KIAA1217: variants seen among roughly 807,000 people sequenced by gnomAD.
KIAA1217 encodes sickle tail protein homolog.
Under a neutral mutation model 163.9 loss-of-function variants are expected in KIAA1217, and 88 were observed. The ratio of observed to expected loss-of-function variants is 0.54; its 90% CI spans 0.45 to 0.64. The LOEUF (loss-of-function observed/expected upper bound fraction) is 0.64, where lower values mean the gene tolerates loss of function less well. Among genes scored for constraint, KIAA1217 ranks in the 30% least tolerant of loss-of-function variants. The pLI is 0.00. For missense variants in KIAA1217, 2,372 were observed against 2,475.0 expected, an observed-to-expected ratio of 0.96 and a Z score of 0.88; for synonymous variants, 903 against 923.1, an observed-to-expected ratio of 0.98 and a Z score of 0.39.
intron 1 of KIAA1217, among the ~76,000 whole-genome samples, chr10:23,771,898 T>C (rs773036972): frequency 6.6e-6 from 1 of 152,238 alleles, no homozygotes; most frequent in Non-Finnish European, 1.5e-5. Flanking sequence ...TCTGTATTCC[T>C]CTATATCCTC....
intron 5 of KIAA1217, among the ~76,000 whole-genome samples, chr10:24,460,150 G>A (rs1160224401): frequency 6.6e-6 from 1 of 152,180 alleles, no homozygotes; most frequent in Non-Finnish European, 1.5e-5. Context: ...AAGGAAAGCA[G>A]ATGGGTTTTC....
At chr10:24,243,159 A>G (rs568694904) in intron 2 of KIAA1217, among the ~76,000 whole-genome samples, 1 of 152,354 alleles carries the variant, frequency 6.6e-6, no homozygotes, top group South Asian at 2.1e-4. Context: ...AGTTTCAAAT[A>G]TGAATCACAA....
At chr10:24,197,562 C>A (rs918231628) in intron 2 of KIAA1217, among the ~76,000 whole-genome samples, 1 of 152,236 alleles carries the variant, frequency 6.6e-6, no homozygotes, top group East Asian at 1.9e-4. Context: ...TGAGTTTGTT[C>A]AGCAGTCTGG....
chr10:23,779,296 T>C lies in KIAA1217; in HGVS notation c.-321+84062T>C, dbSNP rs141475984. The stretch of plus-strand genomic sequence containing the variant: ...TTTAAATTCTTATGACAAAATGTCA[T>C]TATTTCTCTTCCTTTTACAAAAATC... On this transcript the variant is annotated intron_variant, in intron 1 of 18. Coordinates refer to the KIAA1217 transcript ENST00000376462. Among the ~76,000 whole-genome samples, 1,255 of 152,288 alleles carry C rather than the reference T, an allele frequency of 8.2e-3. 11 individuals carry two copies. The highest frequency in any genetic ancestry group is 0.013 in the Non-Finnish European group (900 of 68,024).
intron 1 of KIAA1217, among the ~76,000 whole-genome samples, chr10:23,951,931 T>C (rs986882066): frequency 2.0e-5 from 3 of 152,196 alleles, no homozygotes; most frequent in Non-Finnish European, 4.4e-5. Flanking sequence ...AAGGTAAACA[T>C]ACATGAAGTT....
chr10:24,290,940 G>T (rs2079032736), intron 2 of KIAA1217, among the ~76,000 whole-genome samples: 1 of 152,042 alleles, frequency 6.6e-6, no homozygotes, highest in Admixed American at 6.6e-5. Flanking sequence ...TGTGGGGCAG[G>T]GGGTTGTTTA....
At chr10:24,150,446 G>C (rs2064555539) in intron 2 of KIAA1217, among the ~76,000 whole-genome samples, 1 of 152,182 alleles carries the variant, frequency 6.6e-6, no homozygotes, top group Non-Finnish European at 1.5e-5. Flanking sequence ...CTGTCTCACT[G>C]TGGAGTATGG....
intron 1 of KIAA1217, among the ~76,000 whole-genome samples, chr10:23,723,103 G>T (rs1190986330): frequency 6.6e-6 from 1 of 152,122 alleles, no homozygotes; most frequent in East Asian, 1.9e-4. Flanking sequence ...AGAAAGTAAT[G>T]AACTAAAATT....
At chr10:23,730,372 A>G (rs1021397195) in intron 1 of KIAA1217, among the ~76,000 whole-genome samples, 1 of 151,908 alleles carries the variant, frequency 6.6e-6, no homozygotes, top group Non-Finnish European at 1.5e-5. Flanking sequence ...TTATTAATCT[A>G]TTTGTCTACT....
chr10:24,180,504 C>T (rs1589800897), intron 2 of KIAA1217, among the ~76,000 whole-genome samples: 1 of 152,140 alleles, frequency 6.6e-6, no homozygotes, highest in East Asian at 1.9e-4. Context: ...CAAAATTCTG[C>T]CTGTCTTGCT....
rs146797252 is a variant in KIAA1217, at chr10:23,965,902, A to C, written c.-320-41323A>C. ...AAAATGCCCACTAACTTTCAGCAAG[A>C]GTGGGTAAAAGTGTCCCTGTAACAG... is the stretch of plus-strand genomic sequence containing the variant. On this transcript the variant is annotated intron_variant, in intron 1 of 18. Transcript: ENST00000376462. 1.9e-4 allele frequency among the ~76,000 whole-genome samples: 29 copies of C among 152,280 alleles called. No homozygotes were observed. In the East Asian group the frequency reaches 5.0e-3, roughly 26 times the overall value.
intron 1 of KIAA1217, among the ~76,000 whole-genome samples, chr10:23,933,328 G>T (rs573987300): frequency 6.6e-6 from 1 of 152,186 alleles, no homozygotes; most frequent in Non-Finnish European, 1.5e-5. Context: ...TTTCTGAGAT[G>T]ACTGTACTGC....
chr10:24,040,853 C>A (rs1250177454), intron 2 of KIAA1217, among the ~76,000 whole-genome samples: 2 of 152,198 alleles, frequency 1.3e-5, no homozygotes, highest in African/African-American at 2.4e-5. Context: ...TTATTGAGTG[C>A]TACCATGTGC....
intron 3 of KIAA1217, among the ~76,000 whole-genome samples, chr10:24,401,836 C>CAA (rs33999631): frequency 0.53 from 81,170 of 151,890 alleles, 24,599 homozygotes; most frequent in African/African-American, 0.84. Context: ...TGCACCAAAA[C>CAA]AACTCTCCTA....
At chr10:23,836,137 T>C (rs1838436674) in intron 1 of KIAA1217, among the ~76,000 whole-genome samples, 1 of 152,244 alleles carries the variant, frequency 6.6e-6, no homozygotes, top group South Asian at 2.1e-4. Context: ...CTGGAATTTC[T>C]ATTAGATAAG....
At chr10:23,851,328 A>T (rs1216054593) in intron 1 of KIAA1217, among the ~76,000 whole-genome samples, 4 of 152,016 alleles carry the variant, frequency 2.6e-5, no homozygotes, top group Non-Finnish European at 5.9e-5. Flanking sequence ...CCATGTCCCT[A>T]CAAAGGACAT....
intron 2 of KIAA1217, among the ~76,000 whole-genome samples, chr10:24,152,552 G>T (rs1294408177): frequency 6.6e-6 from 1 of 152,168 alleles, no homozygotes; most frequent in African/African-American, 2.4e-5. Flanking sequence ...GTGGCTTTAA[G>T]TGTGATGATG....
chr10:24,106,695 G>T (rs2062643189), intron 2 of KIAA1217, among the ~76,000 whole-genome samples: 1 of 152,082 alleles, frequency 6.6e-6, no homozygotes. Flanking sequence ...CCTTACTGTT[G>T]TCAAGCATTC....
At chr10:23,898,977 A>T (rs1841836951) in intron 1 of KIAA1217, among the ~76,000 whole-genome samples, 1 of 152,102 alleles carries the variant, frequency 6.6e-6, no homozygotes, top group Non-Finnish European at 1.5e-5. Context: ...AACTGTGTTG[A>T]TGTGTATAGC....
Sources: gnomAD v4.1 joint callset for allele counts (sites outside exome capture counted in the v4.1 genomes callset) on GRCh38, gnomAD v4.1.1 for gene constraint, MANE v1.5 for transcripts, NCBI Gene and HGNC (gene_info 2026-07-23, HGNC 2026-07-21) for gene names.